Variants in UGGT2 observed in about 807,000 individuals in gnomAD.
UGGT2 encodes the protein UDP-glucose glycoprotein glucosyltransferase 2.
Under a neutral mutation model 192.1 loss-of-function variants are expected in UGGT2, and 180 were observed. The ratio of observed to expected loss-of-function variants is 0.94; its 90% confidence interval spans 0.83 to 1.06. The LOEUF is 1.06. Ranked by LOEUF, UGGT2 falls within the 50% of genes least tolerant of loss-of-function variation. UGGT2 has a pLI of 0.00. For synonymous variants in UGGT2, 580 were observed against 591.0 expected (o/e 0.98, Z 0.27); for missense variants, 1,849 against 1,795.7 (o/e 1.03, Z -0.54).
chr13:95,845,989 C>A (rs895052375), intron 36 of UGGT2, among the ~76,000 whole-genome samples: 8 of 148,064 alleles, frequency 5.4e-5, no homozygotes, highest in African/African-American at 2.0e-4. Flanking sequence ...GATGGGCGGC[C>A]AGGCAGAGAC....
intron 35 of UGGT2, among the ~76,000 whole-genome samples, chr13:95,854,006 T>C (rs73556788): frequency 0.016 from 2,512 of 152,248 alleles, 67 homozygotes; most frequent in African/African-American, 0.058. Flanking sequence ...CCATATTACT[T>C]GGGTTTAACT....
intron 12 of UGGT2, among the ~76,000 whole-genome samples, chr13:95,950,481 T>C (rs368298592): frequency 6.7e-6 from 1 of 148,174 alleles, no homozygotes; most frequent in East Asian, 2.0e-4. Flanking sequence ...GCACTGAGGA[T>C]ACCAGAACAA....
intron 12 of UGGT2, among the ~76,000 whole-genome samples, chr13:95,963,837 T>C (rs1288817193): frequency 6.6e-6 from 1 of 152,070 alleles, no homozygotes; most frequent in Non-Finnish European, 1.5e-5. Flanking sequence ...AAAAGATCTG[T>C]ACAAGAAAAA....
chr13:95,940,086 G>T lies in UGGT2; in HGVS notation c.1683C>A (p.Tyr561Ter). 6.8e-6 allele frequency: 10 copies of T among 1,464,058 alleles called. No homozygotes were observed. The highest frequency in any genetic ancestry group is 2.8e-5 in the South Asian group (2 of 71,446). The allele number at this position is 1,464,058 out of a possible 1,614,324, so 90.7% of individuals were successfully genotyped here. Reference protein sequence around the residue: ...SEAFISIVHMYQKVKKDQNIL... With the variant: ...SEAFISIVHM ...TATTTTGATCCTTCTTCACTTTTTG[G>T]TACATCTGTGAAAATTTAGATATTA... is the stretch of plus-strand genomic sequence containing the variant. The change falls in exon 16 of 39, where the codon TAC becomes TAA. Residue 561 changes from tyrosine to a stop codon, truncating the protein, a stop_gained. Coordinates refer to ENST00000376747, the MANE Select transcript of UGGT2 (RefSeq NM_020121.4). LOFTEE classifies it high-confidence loss of function.
intron 2 of UGGT2, among the ~76,000 whole-genome samples, chr13:96,026,181 A>G (rs2052658633): frequency 6.6e-6 from 1 of 152,176 alleles, no homozygotes; most frequent in African/African-American, 2.4e-5. Flanking sequence ...ACAAACAAAC[A>G]AACAAAAAAC....
intron 2 of UGGT2, among the ~76,000 whole-genome samples, chr13:96,029,653 T>G (rs1168126282): frequency 6.6e-6 from 1 of 152,224 alleles, no homozygotes; most frequent in East Asian, 1.9e-4. Flanking sequence ...CTTCCATATA[T>G]GCTTGATGTA....
At chr13:95,847,038 G>C (rs1398696247) in intron 36 of UGGT2, among the ~76,000 whole-genome samples, 2 of 141,916 alleles carry the variant, frequency 1.4e-5, no homozygotes, top group Non-Finnish European at 3.1e-5. Context: ...CTACAAAAAT[G>C]CATCTTTCTT....
At chr13:95,837,230 A>G (rs1281500883) in intron 36 of UGGT2, 28 bp from the exon 37 acceptor site, 3 of 1,510,556 alleles carry the variant, frequency 2.0e-6, no homozygotes, top group Non-Finnish European at 2.8e-6. Flanking sequence ...TTAATCATAG[A>G]CGTATGAAAT....
intron 20 of UGGT2, among the ~76,000 whole-genome samples, chr13:95,911,092 G>A (rs1377553822): frequency 6.6e-6 from 1 of 152,210 alleles, no homozygotes; most frequent in Non-Finnish European, 1.5e-5. Flanking sequence ...AAAGCAGTGT[G>A]TAGAGGGAAA....
chr13:96,045,945 C>T (rs1206333943), intron 1 of UGGT2, among the ~76,000 whole-genome samples: 2 of 152,076 alleles, frequency 1.3e-5, no homozygotes, highest in Non-Finnish European at 2.9e-5. Flanking sequence ...CAATTCCCAT[C>T]AAAATACCAC....
intron 29 of UGGT2, among the ~76,000 whole-genome samples, chr13:95,874,487 T>A (rs1891490538): frequency 6.6e-6 from 1 of 152,154 alleles, no homozygotes; most frequent in African/African-American, 2.4e-5. Flanking sequence ...GACAAAGGAA[T>A]GATTTTCCAG....
At chr13:96,003,914 T>A (rs2051887400) in intron 5 of UGGT2, among the ~76,000 whole-genome samples, 1 of 152,130 alleles carries the variant, frequency 6.6e-6, no homozygotes, top group African/African-American at 2.4e-5. Flanking sequence ...AGACACAGCA[T>A]CTAATAAATG....
intron 20 of UGGT2, among the ~76,000 whole-genome samples, chr13:95,925,329 T>C (rs2048983410): frequency 6.6e-6 from 1 of 152,200 alleles, no homozygotes; most frequent in Non-Finnish European, 1.5e-5. Context: ...TGACCAAAAA[T>C]TGCTATTACT....
At position 95,925,348 on chromosome 13, in the gene UGGT2, T is replaced by G. The variant is rs968178422; in HGVS notation, c.2295+332A>C. Among the ~76,000 whole-genome samples the G allele has an allele frequency of 8.5e-5, 13 of 152,336 alleles. No homozygotes were observed. In the East Asian group the frequency reaches 2.5e-3, roughly 29 times the overall value. On this transcript the variant is annotated intron_variant, in intron 20 of 38. Coordinates refer to ENST00000376747, the MANE Select transcript of UGGT2 (RefSeq NM_020121.4). Reference sequence around the variant, plus strand: ...CAAAAATTGCTATTACTAGCTATTGTTGGTAAATAGTGGATTTCGGGTCAC... The same window carrying G: ...CAAAAATTGCTATTACTAGCTATTGGTGGTAAATAGTGGATTTCGGGTCAC...
chr13:95,836,797 T>C lies in UGGT2; in HGVS notation c.4401+289A>G, dbSNP rs145116898. Among the ~76,000 whole-genome samples the C allele has an allele frequency of 7.2e-3, 1,088 of 151,678 alleles. 18 individuals carry two copies. Among genetic ancestry groups the C allele is most frequent in the African/African-American group, 0.025 (1,024 of 41,322 alleles). ...TTTTCTCTTTGCCCCATGTGCCTTT[T>C]CCCTTTGCTGACTTTGCTTTATATC... On this transcript the variant is annotated intron_variant, in intron 37 of 38. Coordinates refer to ENST00000376747, the MANE Select transcript of UGGT2 (RefSeq NM_020121.4).
At chr13:95,844,570 A>ATATT (rs1411005136) in intron 36 of UGGT2, among the ~76,000 whole-genome samples, 1 of 152,230 alleles carries the variant, frequency 6.6e-6, no homozygotes. Flanking sequence ...ACAGAAATGG[A>ATATT]TAATTTCAAT....
intron 11 of UGGT2, 107 bp downstream of exon 11, chr13:95,972,473 G>C: frequency 9.8e-7 from 1 of 1,021,554 alleles, no homozygotes; most frequent in Non-Finnish European, 1.4e-6. Flanking sequence ...TCAAAAACAT[G>C]TATTTATCTT....
intron 4 of UGGT2, among the ~76,000 whole-genome samples, chr13:96,016,738 CCA>C (rs1186847213): frequency 6.6e-6 from 1 of 152,212 alleles, no homozygotes; most frequent in Non-Finnish European, 1.5e-5. Context: ...GTTGGAACGC[CCA>C]CACAGAGTCC....
At chr13:96,031,806 C>CTAA in intron 2 of UGGT2, 83 bp downstream of exon 2, 1 of 1,031,914 alleles carries the variant, frequency 9.7e-7, no homozygotes, top group Non-Finnish European at 1.4e-6. Context: ...TCACACTTAA[C>CTAA]CATTACCATT....
Sources: allele counts gnomAD v4.1 joint callset (sites outside exome capture counted in the v4.1 genomes callset), GRCh38; gene constraint gnomAD v4.1.1; transcripts MANE v1.5; gene names NCBI Gene and HGNC (gene_info 2026-07-23, HGNC 2026-07-21).